The following USH2A variants were observed in gnomAD, a reference collection of about 807,000 sequenced individuals.
USH2A encodes usherin, also known as Usher syndrome 2A (autosomal recessive, mild).
A neutral mutation model predicts 538.9 loss-of-function variants in USH2A; 443 were observed. That is an observed-to-expected ratio of 0.82 (90% CI 0.76 to 0.89). The LOEUF (loss-of-function observed/expected upper bound fraction) is 0.89. USH2A is among the 40% of genes least tolerant of loss of function. The pLI is 0.00. For synonymous variants in USH2A, 2,413 were observed against 2,273.5 expected (o/e 1.06, Z -1.75); for missense variants, 6,633 against 6,324.8 (o/e 1.05, Z -1.65).
chr1:215,976,984 G>GA lies in USH2A; in HGVS notation c.6806-6209_6806-6208insT, dbSNP rs753592339. The stretch of plus-strand genomic sequence containing the variant: ...TTTGGGTGTGAATCCACCTGGTCCA[G>GA]TTTTTTTTTTTTTCTTTTTTTTCGG... On this transcript the variant is annotated intron_variant, in intron 35 of 71. Transcript: ENST00000307340. Among the ~76,000 whole-genome samples the GA allele has an allele frequency of 6.2e-5, 9 of 144,452 alleles. No homozygotes were observed. In the East Asian group the frequency reaches 1.6e-3, roughly 26 times the overall value. The allele number at this position is 144,452 out of a possible 152,430, so 94.8% of individuals were successfully genotyped here. A position where few individuals can be genotyped will look rare whatever the true frequency, so the allele number is the denominator to read the frequency against.
At chr1:216,315,012 C>T (rs891653243) in intron 9 of USH2A, among the ~76,000 whole-genome samples, 1 of 152,116 alleles carries the variant, frequency 6.6e-6, no homozygotes, top group South Asian at 2.1e-4. Context: ...AAAGACAACT[C>T]ATAAGGATTC....
At chr1:216,105,258 T>C (rs890172448) in intron 21 of USH2A, among the ~76,000 whole-genome samples, 1 of 152,194 alleles carries the variant, frequency 6.6e-6, no homozygotes, top group African/African-American at 2.4e-5. Context: ...TTTTCTCATT[T>C]ATCTTCTAGA....
intron 3 of USH2A, among the ~76,000 whole-genome samples, chr1:216,409,632 A>C (rs2102771025): frequency 6.6e-6 from 1 of 152,258 alleles, no homozygotes; most frequent in Non-Finnish European, 1.5e-5. Flanking sequence ...GCAATGGGGA[A>C]AGGACTCCCT....
At chr1:216,036,170 G>A (rs1347894323) in intron 32 of USH2A, among the ~76,000 whole-genome samples, 3 of 152,088 alleles carry the variant, frequency 2.0e-5, no homozygotes, top group South Asian at 2.1e-4. Context: ...GAAGACTAGG[G>A]AAAACTAGAG....
chr1:216,395,288 A>C (rs2039192006), intron 3 of USH2A, among the ~76,000 whole-genome samples: 1 of 152,238 alleles, frequency 6.6e-6, no homozygotes, highest in African/African-American at 2.4e-5. Context: ...GTAAAAATAC[A>C]TCCTTTAAGT....
chr1:216,010,237 G>A (rs982661344), intron 32 of USH2A, among the ~76,000 whole-genome samples: 4 of 152,104 alleles, frequency 2.6e-5, no homozygotes, highest in African/African-American at 4.8e-5. Context: ...GAACTGCAGC[G>A]GCCAGGCCTT....
intron 32 of USH2A, among the ~76,000 whole-genome samples, chr1:216,017,689 G>A (rs767641166): frequency 2.0e-5 from 3 of 152,134 alleles, no homozygotes; most frequent in Non-Finnish European, 4.4e-5. Flanking sequence ...TTCAAATATC[G>A]TAGTGAAGAT....
intron 35 of USH2A, among the ~76,000 whole-genome samples, chr1:215,991,712 G>C (rs1419172055): frequency 6.6e-6 from 1 of 152,168 alleles, no homozygotes; most frequent in Non-Finnish European, 1.5e-5. Flanking sequence ...TTGTAATGTG[G>C]AAAATGTTTC....
At chr1:215,729,046 G>A (rs1441743110) in intron 60 of USH2A, among the ~76,000 whole-genome samples, 1 of 152,064 alleles carries the variant, frequency 6.6e-6, no homozygotes, top group East Asian at 1.9e-4. Context: ...GAGTATGCTC[G>A]TAAACTCACT....
intron 32 of USH2A, among the ~76,000 whole-genome samples, chr1:216,042,056 C>A (rs984770042): frequency 6.6e-6 from 1 of 151,668 alleles, no homozygotes; most frequent in Non-Finnish European, 1.5e-5. Flanking sequence ...GATACTATTG[C>A]TCAAATGGTT....
chr1:215,843,590 T>C (rs1313907727), intron 46 of USH2A, among the ~76,000 whole-genome samples: 1 of 152,204 alleles, frequency 6.6e-6, no homozygotes, highest in Non-Finnish European at 1.5e-5. Flanking sequence ...AATATTTTTC[T>C]AAGGCAGAGT....
chr1:215,702,094 A>G (rs560069599), intron 61 of USH2A, among the ~76,000 whole-genome samples: 108 of 152,292 alleles, frequency 7.1e-4, no homozygotes, highest in Admixed American at 1.4e-3. Context: ...GTTTGGCTGG[A>G]TATGAAATTC....
chr1:216,245,840 T>C (rs150151681), intron 13 of USH2A, among the ~76,000 whole-genome samples: 70 of 152,326 alleles, frequency 4.6e-4, no homozygotes, highest in African/African-American at 1.5e-3. Context: ...GTTGGTATCA[T>C]GCTCATTTTT....
intron 21 of USH2A, among the ~76,000 whole-genome samples, chr1:216,110,828 A>G (rs1030216028): frequency 1.3e-5 from 2 of 152,202 alleles, no homozygotes; most frequent in Non-Finnish European, 2.9e-5. Context: ...CAGGGCATCA[A>G]TAAATAAATG....
In USH2A at chr1:215,980,614, T is replaced by G. The variant is rs570710345; in HGVS notation, c.6806-9838A>C. ...CCTCACAGATAAATATGAGGACTTT[T>G]GAAGAACCATGTCCTTGCTTTTCTA... On this transcript the variant is annotated intron_variant, in intron 35 of 71. Coordinates refer to ENST00000307340, the MANE Select transcript of USH2A (RefSeq NM_206933.4). Among the ~76,000 whole-genome samples, 3 of 152,276 alleles carry G rather than the reference T, an allele frequency of 2.0e-5. No homozygotes were observed. The East Asian group carries it at 5.8e-4, about 29-fold the overall frequency.
intron 14 of USH2A, among the ~76,000 whole-genome samples, chr1:216,220,411 C>A (rs1014037436): frequency 6.8e-6 from 1 of 146,116 alleles, no homozygotes; most frequent in Non-Finnish European, 1.5e-5. Context: ...CAAGAAAAAA[C>A]GGAAACAGCA....
rs528402619 is a variant in USH2A at position 215,685,814 on chromosome 1, GC to G, written c.12067-5439del. 5.6e-4 allele frequency among the ~76,000 whole-genome samples: 85 copies of G among 152,210 alleles called. 1 individual carries two copies. Among genetic ancestry groups the G allele is most frequent in the African/African-American group, 2.0e-3 (85 of 41,552 alleles). On this transcript the variant is annotated intron_variant, in intron 61 of 71. Transcript: ENST00000307340. ...CAGAACATTTTCACCAACTTCACCT[GC>G]ACACTTCCTTTACCAGTGCCATCTT... is the stretch of plus-strand genomic sequence containing the variant.
At chr1:215,637,962 A>C (rs1656550161) in intron 69 of USH2A, among the ~76,000 whole-genome samples, 1 of 152,164 alleles carries the variant, frequency 6.6e-6, no homozygotes, top group Non-Finnish European at 1.5e-5. Context: ...AAGTATCACA[A>C]ATTTAGATTC....
At chr1:216,114,319 T>A (rs936892604) in intron 21 of USH2A, among the ~76,000 whole-genome samples, 13 of 151,630 alleles carry the variant, frequency 8.6e-5, no homozygotes, top group African/African-American at 2.7e-4. Flanking sequence ...ATCTATTCCT[T>A]TTCAACAGCC....
Sources: gnomAD v4.1 joint callset for allele counts (sites outside exome capture counted in the v4.1 genomes callset) on GRCh38, gnomAD v4.1.1 for gene constraint, MANE v1.5 for transcripts, NCBI Gene and HGNC (gene_info 2026-07-23, HGNC 2026-07-21) for gene names.